Variants in ITGAV observed in about 807,000 individuals in gnomAD.
ITGAV encodes the protein integrin subunit alpha V.
ITGAV carries 76 observed loss-of-function variants against 143.8 expected under a neutral mutation model. The ratio of observed to expected loss-of-function variants is 0.53; its 90% CI spans 0.44 to 0.64. The LOEUF (loss-of-function observed/expected upper bound fraction) is 0.64. Ranked by LOEUF, ITGAV falls within the 30% of genes least tolerant of loss-of-function variation. The pLI, the probability that ITGAV is intolerant of heterozygous loss-of-function variation, is 0.00. For synonymous variants in ITGAV, 453 were observed against 446.7 expected (o/e 1.01, Z -0.18); for missense variants, 1,193 against 1,274.7 (o/e 0.94, Z 0.98).
At position 186,659,189 on chromosome 2, in the gene ITGAV, T is replaced by TCTG; in HGVS notation, c.1857+14_1857+15insCTG. On this transcript the variant is annotated intron_variant, in intron 18 of 29. Transcript: ENST00000261023. ...ATTAGTCGACAGGTACTGTACTCAGTTTACCACTAATGTGATATTTTGTTA... is the reference window on the plus strand; with the variant it reads ...ATTAGTCGACAGGTACTGTACTCAGTCTGTTACCACTAATGTGATATTTTGTTA... 6.6e-7 allele frequency: 1 copy of TCTG among 1,505,484 alleles called. No homozygotes were observed. The highest frequency in any genetic ancestry group is 8.9e-7 in the Non-Finnish European group (1 of 1,126,512). 93.3% of individuals were successfully genotyped at this position (1,505,484 alleles called of 1,614,324 possible).
At chr2:186,602,175 T>C in intron 2 of ITGAV, 24 bp downstream of exon 2, 1 of 1,594,974 alleles carries the variant, frequency 6.3e-7, no homozygotes, top group Non-Finnish European at 8.5e-7. Context: ...CACAATTTTC[T>C]TTTCATTGAT....
At chr2:186,590,553 G>A in intron 1 of ITGAV, 30 bp downstream of exon 1, 1 of 1,586,234 alleles carries the variant, frequency 6.3e-7, no homozygotes, top group Non-Finnish European at 8.6e-7. Flanking sequence ...ACTGGAGCCG[G>A]CCCCCTCCCC....
At chr2:186,633,400 A>G (rs199833546) in intron 6 of ITGAV, 26 bp downstream of exon 6, 13 of 1,423,276 alleles carry the variant, frequency 9.1e-6, no homozygotes, top group African/African-American at 4.2e-5. Flanking sequence ...TTAAATTACA[A>G]TTGGTGACTA....
chr2:186,678,112 A>G lies in ITGAV; in HGVS notation c.*820A>G, dbSNP rs1477815222. 6.6e-6 allele frequency: 1 copy of G among 152,052 alleles called. No individual in the cohort carries two copies. The highest frequency in any genetic ancestry group is 2.4e-5 in the African/African-American group (1 of 41,430). 9.4% of individuals were successfully genotyped at this position (152,052 alleles called of 1,614,324 possible). A position where few individuals can be genotyped will look rare whatever the true frequency, so the allele number is the denominator to read the frequency against. On this transcript the variant is annotated 3_prime_UTR_variant, in exon 30 of 30. Transcript: ENST00000261023. The stretch of plus-strand genomic sequence containing the variant: ...TGGAGTTGGAAATTATTTCCAAAGC[A>G]TATTTATTCCATTGTTTTAGTCTGG...
intron 1 of ITGAV, among the ~76,000 whole-genome samples, chr2:186,593,407 T>C (rs762742219): frequency 2.6e-5 from 4 of 151,690 alleles, no homozygotes; most frequent in Non-Finnish European, 4.4e-5. Flanking sequence ...AGGTTCGAAG[T>C]AAAAATTCAC....
At chr2:186,646,632 T>C in intron 12 of ITGAV, 54 bp from the exon 13 acceptor site, 2 of 1,366,136 alleles carry the variant, frequency 1.5e-6, no homozygotes, top group Non-Finnish European at 2.0e-6. Context: ...CCCTTTCTTT[T>C]CCTCCTCCTT....
intron 6 of ITGAV, among the ~76,000 whole-genome samples, chr2:186,633,977 AAGATCATAC>A (rs1367514574): frequency 6.6e-6 from 1 of 152,122 alleles, no homozygotes; most frequent in African/African-American, 2.4e-5. Flanking sequence ...GTAGTGAGCC[AAGATCATAC>A]GACTGTACTC....
At position 186,636,101 on chromosome 2, in the gene ITGAV, A is replaced by C. The variant is rs200856961; in HGVS notation, c.651A>C (p.Gln217His). Residue 217 changes from glutamine (Q) to histidine (H), a missense_variant, in exon 7 of 30, where the codon CAA (glutamine) becomes CAC (histidine). Gln to His is a conservative substitution (Grantham distance 24). Coordinates refer to ENST00000261023, the MANE Select transcript of ITGAV (RefSeq NM_002210.5). ...FYWQGQLISDQVAEIVSKYDP... is the reference protein window; with the variant it reads ...FYWQGQLISDHVAEIVSKYDP... ...TTTTAGGTCAGCTTATTTCGGATCA[A>C]GTGGCAGAAATCGTATCTAAATACG... is the stretch of plus-strand genomic sequence containing the variant. 1 of 1,612,934 alleles carries C rather than the reference A, an allele frequency of 6.2e-7. No individual in the cohort carries two copies. The highest frequency in any genetic ancestry group is 1.3e-5 in the African/African-American group (1 of 74,870).
intron 21 of ITGAV, among the ~76,000 whole-genome samples, chr2:186,666,500 T>C (rs1688900773): frequency 6.6e-6 from 1 of 152,226 alleles, no homozygotes; most frequent in African/African-American, 2.4e-5. Flanking sequence ...ATAATTGTTG[T>C]TAAATAGGCT....
chr2:186,627,657 G>T lies in ITGAV; in HGVS notation c.523+2070G>T, dbSNP rs1186358121. ...TCTTTTTGTGAATAAAGTTTTATTG[G>T]AATACAGCCACACCCATTTGTTGAT... On this transcript the variant is annotated intron_variant, in intron 4 of 29. Transcript: ENST00000261023. Among the ~76,000 whole-genome samples, 4 of 152,180 alleles carry T rather than the reference G, an allele frequency of 2.6e-5. No homozygotes were observed. In the East Asian group the frequency reaches 7.7e-4, roughly 29 times the overall value.
At chr2:186,670,253 A>G (rs536365134) in intron 26 of ITGAV, among the ~76,000 whole-genome samples, 2 of 152,296 alleles carry the variant, frequency 1.3e-5, no homozygotes, top group Admixed American at 6.5e-5. Context: ...TTTAATTAAC[A>G]AATCTCCAGA....
At position 186,667,185 on chromosome 2, in the gene ITGAV, C is replaced by T. The variant is rs150579951; in HGVS notation, c.2282C>T (p.Ser761Phe). 1.2e-5 allele frequency: 20 copies of T among 1,610,446 alleles called. No homozygotes were observed. The African/African-American group carries it at 2.4e-4, about 19-fold the overall frequency. Residue 761 changes from serine (S) to phenylalanine (F), a missense_variant, in exon 23 of 30, where the codon TCT (serine) becomes TTT (phenylalanine). Physicochemically the swap from Ser to Phe is radical, Grantham distance 155. Transcript: ENST00000261023. Reference protein sequence around the residue: ...NLFDKVSPVVSHKVDLAVLAA... With the variant: ...NLFDKVSPVVFHKVDLAVLAA... Reference sequence around the variant, plus strand: ...TTTGACAAAGTAAGCCCAGTTGTATCTCACAAAGTTGATCTTGCTGTTTTA... The same window carrying T: ...TTTGACAAAGTAAGCCCAGTTGTATTTCACAAAGTTGATCTTGCTGTTTTA...
intron 4 of ITGAV, among the ~76,000 whole-genome samples, chr2:186,630,010 C>A (rs2105696180): frequency 6.6e-6 from 1 of 152,102 alleles, no homozygotes. Flanking sequence ...AACTATTGAG[C>A]CTACTATGGT....
At chr2:186,665,096 ATTTT>A (rs35994921) in intron 20 of ITGAV, 26 bp from the exon 21 acceptor site, 3,591 of 1,006,842 alleles carry the variant, frequency 3.6e-3, no homozygotes, top group South Asian at 5.5e-3. Flanking sequence ...TTTCATATCC[ATTTT>A]TTTTTTTTTT....
intron 13 of ITGAV, among the ~76,000 whole-genome samples, chr2:186,647,491 C>T (rs1462649116): frequency 6.6e-6 from 1 of 152,124 alleles, no homozygotes; most frequent in Non-Finnish European, 1.5e-5. Context: ...CTGCCGTGGC[C>T]TCCCAAAGTG....
intron 12 of ITGAV, among the ~76,000 whole-genome samples, chr2:186,643,857 C>T (rs1207717900): frequency 6.6e-6 from 1 of 152,110 alleles, no homozygotes; most frequent in East Asian, 1.9e-4. Flanking sequence ...AATAATGAAA[C>T]GTTTAGGAAA....
intron 23 of ITGAV, 96 bp from the exon 24 acceptor site, chr2:186,667,570 CTAATT>C (rs1318437340): frequency 3.6e-6 from 2 of 551,432 alleles, no homozygotes; most frequent in Non-Finnish European, 6.2e-6. Context: ...AAAATTAAAT[CTAATT>C]TTATTTATTT....
intron 6 of ITGAV, among the ~76,000 whole-genome samples, chr2:186,634,283 A>AT (rs1687896424): frequency 1.1e-5 from 1 of 87,582 alleles, no homozygotes; most frequent in Non-Finnish European, 2.5e-5. Context: ...ATATATTGAC[A>AT]TGTTTAGTTT....
chr2:186,600,615 A>G (rs937916830), intron 1 of ITGAV, among the ~76,000 whole-genome samples: 1 of 152,142 alleles, frequency 6.6e-6, no homozygotes, highest in African/African-American at 2.4e-5. Context: ...TAATTTATTT[A>G]TTGGCTAGTT....
Sources: gnomAD v4.1 joint callset for allele counts (sites outside exome capture counted in the v4.1 genomes callset) on GRCh38, gnomAD v4.1.1 for gene constraint, MANE v1.5 for transcripts, NCBI Gene and HGNC (gene_info 2026-07-23, HGNC 2026-07-21) for gene names.